CCDC74A: variants seen among roughly 807,000 people sequenced by gnomAD.
CCDC74A encodes coiled-coil domain-containing protein 74A.
Under a neutral mutation model 37.6 loss-of-function variants are expected in CCDC74A, and 38 were observed. The ratio of observed to expected loss-of-function variants is 1.01; its 90% CI spans 0.78 to 1.33. CCDC74A has a LOEUF of 1.33. Ranked by LOEUF, CCDC74A falls within the 40% of genes most tolerant of loss-of-function variation. The pLI is 0.00. For synonymous variants in CCDC74A, 134 were observed against 165.2 expected (o/e 0.81, Z 1.45); for missense variants, 340 against 403.4 (o/e 0.84, Z 1.35).
At chr2:131,529,483 C>T (rs778607894) in intron 1 of CCDC74A, 164 bp from the exon 2 acceptor site, 4 of 931,338 alleles carry the variant, frequency 4.3e-6, no homozygotes, top group South Asian at 1.4e-5. Context: ...CTGACACCCA[C>T]GACGAAGGCG....
At chr2:131,529,493 G>A (rs753408416) in intron 1 of CCDC74A, 154 bp from the exon 2 acceptor site, 106 of 1,004,162 alleles carry the variant, frequency 1.1e-4, no homozygotes, top group East Asian at 4.9e-4. Flanking sequence ...CGACGAAGGC[G>A]TGGTGGAGAG....
chr2:131,525,969 C>G (rs1185210435), upstream of CCDC74A, among the ~76,000 whole-genome samples: 12 of 151,556 alleles, frequency 7.9e-5, no homozygotes, highest in South Asian at 2.5e-3. Context: ...CCGCCCGCCT[C>G]GGCCTCCAAA....
upstream of CCDC74A, among the ~76,000 whole-genome samples, chr2:131,526,385 G>C (rs1186378407): frequency 6.6e-6 from 1 of 152,116 alleles, no homozygotes; most frequent in East Asian, 1.9e-4. Flanking sequence ...GACCTCAAAT[G>C]ATCTGCCCAA....
At chr2:131,529,592 T>G in intron 1 of CCDC74A, 55 bp from the exon 2 acceptor site, 1 of 1,612,770 alleles carries the variant, frequency 6.2e-7, no homozygotes, top group Non-Finnish European at 8.5e-7. Flanking sequence ...AGGCTTCTTC[T>G]CTCAGAATAG....
At chr2:131,529,174 GCCTTA>G (rs1392906282) in intron 1 of CCDC74A, 1 of 259,378 alleles carries the variant, frequency 3.9e-6, no homozygotes, top group East Asian at 8.8e-5. Flanking sequence ...CCCTGGTGCT[GCCTTA>G]CCTGAGTGCC....
upstream of CCDC74A, among the ~76,000 whole-genome samples, chr2:131,525,074 A>C (rs1429593028): frequency 6.6e-6 from 1 of 152,050 alleles, no homozygotes; most frequent in Non-Finnish European, 1.5e-5. Context: ...CCTCCCTCCC[A>C]GCAGTAATAT....
Position 131,530,777 on chromosome 2 carries a change from A to G in CCDC74A, c.296A>G (p.Asp99Gly), listed in dbSNP as rs746727359. 1.9e-6 allele frequency: 3 copies of G among 1,611,588 alleles called. No homozygotes were observed. The highest frequency in any genetic ancestry group is 2.2e-5 in the South Asian group (2 of 90,860). The change falls in exon 3 of 8, where the codon GAC becomes GGC. Residue 99 changes from aspartate (D) to glycine (G), a missense_variant and splice_region_variant. Around this residue, in one of 3 missense-constraint regions of CCDC74A, gnomAD observed 154 missense variants for 153.9 expected, o/e 1.00. Coordinates refer to ENST00000409856, the MANE Select transcript of CCDC74A (RefSeq NM_001258306.3). The part of the protein sequence containing the change: ...LIMNQTSQKK[D>G]SLSMSSFQSV... ...GCCGACACTGTGCGCTCTCCTGCAG[A>G]CAGCCTCTCCATGTCAAGCTTCCAG...
chr2:131,523,293 C>T (rs1680187984), upstream of CCDC74A, among the ~76,000 whole-genome samples: 1 of 152,156 alleles, frequency 6.6e-6, no homozygotes, highest in Non-Finnish European at 1.5e-5. Context: ...TTTCTCAAGT[C>T]ACAAGGTGCC....
upstream of CCDC74A, among the ~76,000 whole-genome samples, chr2:131,525,139 A>G (rs1437777280): frequency 1.3e-5 from 2 of 152,220 alleles, no homozygotes; most frequent in Non-Finnish European, 2.9e-5. Flanking sequence ...ACATGTTGCC[A>G]TAATTTTTTT....
rs1197844294 is a variant in CCDC74A at position 131,533,282 on chromosome 2, G to A, written c.823G>A (p.Val275Met). The change falls in exon 8 of 8, where the codon GTG becomes ATG. Residue 275 changes from valine to methionine, a missense_variant. By Grantham distance (21) the Val-to-Met change is conservative. Around this residue, in one of 3 missense-constraint regions of CCDC74A, gnomAD observed 185 missense variants for 231.5 expected, o/e 0.80. Coordinates refer to ENST00000409856, the MANE Select transcript of CCDC74A (RefSeq NM_001258306.3). The part of the protein sequence containing the change: ...SLSKKCLSPP[V>M]AERAILPALK... ...TACCCGCCCCAGCCTGAGCCCACCT[G>A]TGGCGGAGCGTGCCATCCTGCCCGC... 5 of 1,613,036 alleles carry A rather than the reference G, an allele frequency of 3.1e-6. No individual in the cohort carries two copies. Among genetic ancestry groups the A allele is most frequent in the Middle Eastern group, 1.7e-4 (1 of 5,774 alleles).
In CCDC74A at chr2:131,529,537, G is replaced by T. The variant is rs148172431; in HGVS notation, c.251-110G>T. 7.3e-3 allele frequency: 10,517 copies of T among 1,438,260 alleles called. 614 individuals are homozygous for T. In the African/African-American group the frequency reaches 0.13, roughly 17 times the overall value. 89.1% of individuals were successfully genotyped at this position (1,438,260 alleles called of 1,614,324 possible). A position where few individuals can be genotyped will look rare whatever the true frequency, so the allele number is the denominator to read the frequency against. On this transcript the variant is annotated intron_variant, in intron 1 of 7. Transcript: ENST00000409856. ...ATGGGGCAGGGCCCAATCAGCCAGT[G>T]GGGGGGCAGGACTTTTGGGCTCAGC...
In CCDC74A at chr2:131,529,019, TTCTC is replaced by T. The variant is rs544774694; in HGVS notation, c.251-627_251-624del. Among the ~76,000 whole-genome samples, 1,205 of 141,916 alleles carry T rather than the reference TTCTC, an allele frequency of 8.5e-3. 13 individuals carry two copies. The highest frequency in any genetic ancestry group is 0.029 in the African/African-American group (1,134 of 38,630). 93.1% of individuals were successfully genotyped at this position (141,916 alleles called of 152,430 possible). On this transcript the variant is annotated intron_variant, in intron 1 of 7. Coordinates refer to ENST00000409856, the MANE Select transcript of CCDC74A (RefSeq NM_001258306.3). ...CTGCTCCTCACCCCCACGCCCCCCT[TTCTC>T]CCTCCCTCCTCCCCCACCCCTCCTG...
At chr2:131,528,921 GC>G (rs1680693262) in intron 1 of CCDC74A, among the ~76,000 whole-genome samples, 1 of 78,920 alleles carries the variant, frequency 1.3e-5, no homozygotes, top group Non-Finnish European at 2.7e-5. Flanking sequence ...GCATTCCCCC[GC>G]CCCCCACCCC....
chr2:131,525,781 C>T (rs1393708790), upstream of CCDC74A, among the ~76,000 whole-genome samples: 1 of 134,068 alleles, frequency 7.5e-6, no homozygotes, highest in East Asian at 2.2e-4. Flanking sequence ...TGCAGTGGTA[C>T]CATCTTGGCT....
At chr2:131,525,711 C>CTTTTT (rs58721770), upstream of CCDC74A, among the ~76,000 whole-genome samples, 73 of 63,448 alleles carry the variant, frequency 1.2e-3, no homozygotes, top group African/African-American at 2.1e-3. Context: ...CTATGCCTGC[C>CTTTTT]TTTTTTTTTT....
upstream of CCDC74A, among the ~76,000 whole-genome samples, chr2:131,525,237 C>A (rs547540925): frequency 3.3e-5 from 5 of 152,078 alleles, no homozygotes; most frequent in Non-Finnish European, 7.4e-5. Flanking sequence ...TTTTTTAGAT[C>A]CAAATTTCCT....
chr2:131,525,380 G>A (rs769394225), upstream of CCDC74A, among the ~76,000 whole-genome samples: 1 of 151,990 alleles, frequency 6.6e-6, no homozygotes, highest in African/African-American at 2.4e-5. Context: ...CACCATGCAG[G>A]CAAATTTTTT....
chr2:131,531,740 A>C lies in CCDC74A; in HGVS notation c.423A>C (p.Glu141Asp), dbSNP rs535904844. The C allele has an allele frequency of 3.0e-5, 46 of 1,522,554 alleles. No homozygotes were observed. The highest frequency in any genetic ancestry group is 3.5e-5 in the Non-Finnish European group (40 of 1,151,924). 94.3% of individuals were successfully genotyped at this position (1,522,554 alleles called of 1,614,324 possible). Residue 141 changes from glutamate (E) to aspartate (D), a missense_variant, in exon 4 of 8, where the codon GAA (glutamate) becomes GAC (aspartate). This residue lies in a region of CCDC74A where 185 missense variants were observed against 231.5 expected (regional missense o/e 0.80). Transcript: ENST00000409856. ...KADVSQKADL[E>D]EEPLLHNSKL... ...ACGTCTCCCAGAAGGCGGACCTGGA[A>C]GAGGAGCCCCTACTTCACAACAGCA...
chr2:131,533,621 A>G lies in CCDC74A; in HGVS notation c.*223A>G. ...CATAAAAGCACACGATGAAGCAGGT[A>G]TCGCCTTACCTGTTGAAACTGAAAA... On this transcript the variant is annotated 3_prime_UTR_variant, in exon 8 of 8. Coordinates refer to ENST00000409856, the MANE Select transcript of CCDC74A (RefSeq NM_001258306.3). The G allele has an allele frequency of 1.6e-6, 1 of 613,026 alleles. No individual in the cohort carries two copies. Among genetic ancestry groups the G allele is most frequent in the Non-Finnish European group, 2.8e-6 (1 of 356,914 alleles). 38.0% of individuals were successfully genotyped at this position (613,026 alleles called of 1,614,324 possible).
Sources: allele counts gnomAD v4.1 joint callset (sites outside exome capture counted in the v4.1 genomes callset), GRCh38; gene constraint gnomAD v4.1.1; regional missense constraint gnomAD v4.1.1; transcripts MANE v1.5; gene names NCBI Gene and HGNC (gene_info 2026-07-23, HGNC 2026-07-21).